EYS: variants seen among roughly 807,000 people sequenced by gnomAD.
EYS encodes the protein protein eyes shut homolog.
Under a neutral mutation model 282.1 loss-of-function variants are expected in EYS, and 250 were observed. That is an observed-to-expected ratio of 0.89 (90% CI 0.80 to 0.98). EYS has a LOEUF of 0.98. Among genes scored for constraint, EYS ranks in the 50% least tolerant of loss-of-function variants. The pLI is 0.00. For missense variants in EYS, 4,016 were observed against 3,709.0 expected (o/e 1.08, Z -2.15); for synonymous variants, 1,355 against 1,282.9 (o/e 1.06, Z -1.20).
chr6:65,395,533 G>T (rs910709475), intron 7 of EYS, among the ~76,000 whole-genome samples: 1 of 152,072 alleles, frequency 6.6e-6, no homozygotes, highest in Admixed American at 6.6e-5. Flanking sequence ...TGTATATGTG[G>T]GGGATAGCAG....
At chr6:63,888,916 C>G (rs1773337367) in intron 35 of EYS, among the ~76,000 whole-genome samples, 1 of 152,132 alleles carries the variant, frequency 6.6e-6, no homozygotes, top group Admixed American at 6.5e-5. Context: ...AAATTTCAAA[C>G]TAGGGTAACC....
chr6:64,643,317 T>C (rs561423083), intron 22 of EYS, among the ~76,000 whole-genome samples: 9 of 152,276 alleles, frequency 5.9e-5, no homozygotes, highest in Admixed American at 3.3e-4. Flanking sequence ...AAACTGCAAT[T>C]AATTTTACAC....
chr6:64,557,025 C>T (rs1330476670), intron 26 of EYS, among the ~76,000 whole-genome samples: 5 of 151,678 alleles, frequency 3.3e-5, no homozygotes, highest in Non-Finnish European at 7.4e-5. Context: ...ATTATTTGTT[C>T]CACTAAGCTG....
chr6:65,307,024 T>C (rs1040181655), intron 11 of EYS, among the ~76,000 whole-genome samples: 1 of 140,590 alleles, frequency 7.1e-6, no homozygotes, highest in African/African-American at 2.6e-5. Flanking sequence ...ATTATCCTTT[T>C]GAAGCACGCC....
chr6:63,974,618 A>G (rs950143229), intron 35 of EYS, among the ~76,000 whole-genome samples: 3 of 151,990 alleles, frequency 2.0e-5, no homozygotes, highest in Non-Finnish European at 2.9e-5. Context: ...CTGCATAAAT[A>G]TGATATAAAA....
chr6:64,792,984 T>C (rs1443767953), intron 22 of EYS, among the ~76,000 whole-genome samples: 1 of 151,940 alleles, frequency 6.6e-6, no homozygotes, highest in Non-Finnish European at 1.5e-5. Context: ...AAATTCATAA[T>C]TATATGGAAA....
At chr6:64,266,398 T>TA (rs950776181) in intron 30 of EYS, among the ~76,000 whole-genome samples, 6 of 151,780 alleles carry the variant, frequency 4.0e-5, no homozygotes, top group African/African-American at 1.4e-4. Context: ...TCCCCAAAAC[T>TA]AAAAAAACCC....
chr6:64,660,589 A>G (rs1768970459), intron 22 of EYS, among the ~76,000 whole-genome samples: 1 of 152,196 alleles, frequency 6.6e-6, no homozygotes, highest in African/African-American at 2.4e-5. Context: ...CTAATACTCC[A>G]ATAACAGACA....
chr6:63,937,340 CTTTTCTTTTTTT>C (rs1765089619), intron 35 of EYS, among the ~76,000 whole-genome samples: 6 of 46,084 alleles, frequency 1.3e-4, no homozygotes, highest in Admixed American at 5.7e-4. Flanking sequence ...AGGCTTCTCT[CTTTTCTTTTTTT>C]TTTTTTTTTT....
chr6:63,994,761 T>C (rs1351494679), intron 34 of EYS, among the ~76,000 whole-genome samples: 1 of 151,988 alleles, frequency 6.6e-6, no homozygotes, highest in African/African-American at 2.4e-5. Context: ...TTTTCTTTTG[T>C]TTCTTCTGAA....
intron 35 of EYS, among the ~76,000 whole-genome samples, chr6:63,891,687 C>T (rs1773412735): frequency 6.6e-6 from 1 of 152,188 alleles, no homozygotes; most frequent in African/African-American, 2.4e-5. Context: ...GACAAGGATG[C>T]TCTCTTTCAC....
chr6:64,704,450 A>G (rs921298061), intron 22 of EYS, among the ~76,000 whole-genome samples: 29 of 140,588 alleles, frequency 2.1e-4, no homozygotes, highest in African/African-American at 7.0e-4. Context: ...TCTATATTAT[A>G]ATATAATTAT....
In EYS at chr6:65,291,767, C is replaced by G. The variant is rs116414769; in HGVS notation, c.2023+4096G>C. 1.1e-3 allele frequency among the ~76,000 whole-genome samples: 168 copies of G among 151,604 alleles called. 2 individuals are homozygous for G. The highest frequency in any genetic ancestry group is 3.8e-3 in the African/African-American group (158 of 41,434). On this transcript the variant is annotated intron_variant, in intron 12 of 42. Coordinates refer to ENST00000503581, the MANE Select transcript of EYS (RefSeq NM_001142800.2). ...GTTATGTTGCTTCAAAGATGAGGCTCATTTTCATGAAGAACTAAATTCTCA... is the reference window on the plus strand; with the variant it reads ...GTTATGTTGCTTCAAAGATGAGGCTGATTTTCATGAAGAACTAAATTCTCA...
chr6:63,835,924 A>T (rs897613988), intron 36 of EYS, among the ~76,000 whole-genome samples: 5 of 152,094 alleles, frequency 3.3e-5, no homozygotes, highest in African/African-American at 1.2e-4. Flanking sequence ...AGACAAATGG[A>T]TTCCATTCTA....
intron 19 of EYS, among the ~76,000 whole-genome samples, chr6:64,834,161 A>G (rs187383960): frequency 6.6e-6 from 1 of 151,868 alleles, no homozygotes. Context: ...GTGAGCCAGA[A>G]CACTCAGAGT....
At chr6:64,289,933 T>C (rs567857603) in intron 30 of EYS, among the ~76,000 whole-genome samples, 3 of 152,020 alleles carry the variant, frequency 2.0e-5, no homozygotes, top group Non-Finnish European at 4.4e-5. Flanking sequence ...GGCAGTCAAA[T>C]TGGCAATGTC....
At chr6:65,067,174 G>A (rs77717028) in intron 12 of EYS, among the ~76,000 whole-genome samples, 2,821 of 152,162 alleles carry the variant, frequency 0.019, 75 homozygotes, top group African/African-American at 0.065. Context: ...ACATGTATGT[G>A]GAGAATTCAA....
intron 36 of EYS, among the ~76,000 whole-genome samples, chr6:63,851,848 C>CA (rs1772259357): frequency 6.6e-6 from 1 of 151,976 alleles, no homozygotes; most frequent in African/African-American, 2.4e-5. Flanking sequence ...GATAGAGACA[C>CA]AAAAAACCCT....
intron 29 of EYS, among the ~76,000 whole-genome samples, chr6:64,375,836 G>C (rs77419421): frequency 0.032 from 4,947 of 152,240 alleles, 183 homozygotes; most frequent in African/African-American, 0.088. Flanking sequence ...TTCTGTATAA[G>C]GCTCTATAAT....
Sources: allele counts gnomAD v4.1 joint callset (sites outside exome capture counted in the v4.1 genomes callset), GRCh38; gene constraint gnomAD v4.1.1; transcripts MANE v1.5; gene names NCBI Gene and HGNC (gene_info 2026-07-23, HGNC 2026-07-21).